NBEAL1: variants seen among roughly 807,000 people sequenced by gnomAD.
The protein encoded by NBEAL1 is neurobeachin like 1.
NBEAL1 carries 273 observed loss-of-function variants against 351.3 expected under a neutral mutation model. The ratio of observed to expected loss-of-function variants is 0.78; its 90% CI spans 0.70 to 0.86. The LOEUF is 0.86. Among genes scored for constraint, NBEAL1 ranks in the 40% least tolerant of loss-of-function variants. The probability of loss-of-function intolerance (pLI) is 0.00; values close to 1 mark genes in which losing one functional copy is unlikely to be tolerated. For missense variants in NBEAL1, 2,961 were observed against 3,201.3 expected, an observed-to-expected ratio of 0.92 and a Z score of 1.81; for synonymous variants, 1,050 against 1,086.4, an observed-to-expected ratio of 0.97 and a Z score of 0.66.
intron 2 of NBEAL1, among the ~76,000 whole-genome samples, chr2:203,017,743 T>G (rs755670484): frequency 5.9e-5 from 9 of 152,114 alleles, no homozygotes; most frequent in Non-Finnish European, 1.0e-4. Context: ...TTAGGTATAT[T>G]TACTATTAAA....
chr2:203,201,701 T>G lies in NBEAL1; in HGVS notation c.7397T>G (p.Ile2466Ser). ...ACAAAAGGCAAAATTATCTCACACATCATCCGGCATATGGGTAAGCATTAG... is the reference window on the plus strand; with the variant it reads ...ACAAAAGGCAAAATTATCTCACACAGCATCCGGCATATGGGTAAGCATTAG... ...SLTKGKIISHIIRHMDIVTCL... is the reference protein window; with the variant it reads ...SLTKGKIISHSIRHMDIVTCL... The change falls in exon 50 of 56, where the codon ATC becomes AGC. Residue 2466 changes from isoleucine (I) to serine (S), a missense_variant. By Grantham distance (142) the Ile-to-Ser change is moderately radical. Coordinates refer to ENST00000683969, the MANE Select transcript of NBEAL1 (RefSeq NM_001378026.1). The G allele has an allele frequency of 1.3e-6, 2 of 1,599,014 alleles. No individual in the cohort carries two copies. The highest frequency in any genetic ancestry group is 1.7e-6 in the Non-Finnish European group (2 of 1,172,170).
In NBEAL1 at chr2:203,136,062, T is replaced by A. The variant is rs1212430482; in HGVS notation, c.4199T>A (p.Leu1400Ter). ...EEFWHSNPSH[L>*]SLDLSGIDSC... ...TTCTGGCATAGTAACCCTTCACATT[T>A]GAGTTTAGACCTCAGTGGAATTGAC... Residue 1400 changes from leucine to a stop codon, truncating the protein, a stop_gained, in exon 28 of 56, where the codon TTG (leucine) becomes TAG (stop). Coordinates refer to ENST00000683969, the MANE Select transcript of NBEAL1 (RefSeq NM_001378026.1). LOFTEE classifies it high-confidence loss of function. 6.2e-7 allele frequency: 1 copy of A among 1,613,808 alleles called. No individual in the cohort carries two copies. The highest frequency in any genetic ancestry group is 8.5e-7 in the Non-Finnish European group (1 of 1,179,948).
chr2:203,194,445 T>C (rs1334253625), intron 47 of NBEAL1, among the ~76,000 whole-genome samples: 1 of 152,184 alleles, frequency 6.6e-6, no homozygotes, highest in Non-Finnish European at 1.5e-5. Flanking sequence ...TTAGGACAGA[T>C]AGCATTAACC....
chr2:203,198,559 A>C (rs186253827), intron 48 of NBEAL1, among the ~76,000 whole-genome samples: 3 of 152,270 alleles, frequency 2.0e-5, no homozygotes, highest in African/African-American at 7.2e-5. Context: ...GAGAAAAAAT[A>C]ATCTTCCTAA....
intron 7 of NBEAL1, among the ~76,000 whole-genome samples, chr2:203,075,465 A>G (rs931856590): frequency 6.6e-6 from 1 of 152,162 alleles, no homozygotes; most frequent in Non-Finnish European, 1.5e-5. Flanking sequence ...GTCATCTTCT[A>G]GCTCTGTGTA....
At chr2:203,066,241 T>G (rs947266182) in intron 6 of NBEAL1, among the ~76,000 whole-genome samples, 16 of 152,158 alleles carry the variant, frequency 1.1e-4, no homozygotes, top group Non-Finnish European at 2.2e-4. Context: ...AGCAATCTAT[T>G]AATACCATAA....
chr2:203,083,390 C>A lies in NBEAL1; in HGVS notation c.856C>A (p.Gln286Lys). ...TATCCTTCTCAGTAGCAACTCTGAT[C>A]AGCGTCAAGTGGAAACCAGTACTAT... The part of the protein sequence containing the change: ...VHILLSSNSD[Q>K]RQVETSTILE... The change falls in exon 9 of 56, where the codon CAG becomes AAG. Residue 286 changes from glutamine (Q) to lysine (K), a missense_variant. Physicochemically the swap from Gln to Lys is moderately conservative, Grantham distance 53 (BLOSUM62 1). Transcript: ENST00000683969. The A allele has an allele frequency of 6.4e-7, 1 of 1,555,442 alleles. No individual in the cohort carries two copies. The highest frequency in any genetic ancestry group is 8.7e-7 in the Non-Finnish European group (1 of 1,147,978).
chr2:203,100,364 A>G (rs928549399), intron 12 of NBEAL1, among the ~76,000 whole-genome samples: 1 of 152,196 alleles, frequency 6.6e-6, no homozygotes, highest in Non-Finnish European at 1.5e-5. Context: ...GCATCCCACC[A>G]GCAGTGTATA....
At position 203,099,625 on chromosome 2, in the gene NBEAL1, A is replaced by G. The variant is rs1466528990; in HGVS notation, c.1186-4A>G. The G allele has an allele frequency of 1.3e-6, 2 of 1,536,892 alleles. No individual in the cohort carries two copies. Among genetic ancestry groups the G allele is most frequent in the South Asian group, 1.2e-5 (1 of 80,896 alleles). On this transcript the variant is annotated splice_polypyrimidine_tract_variant and splice_region_variant and intron_variant, in intron 11 of 55. Transcript: ENST00000683969. Reference sequence around the variant, plus strand: ...ATTTCTTGTTTCCCCTTCCCCCTCAATAGGTGTTTCAGGGACAATTGGATT... The same window carrying G: ...ATTTCTTGTTTCCCCTTCCCCCTCAGTAGGTGTTTCAGGGACAATTGGATT...
chr2:203,157,860 G>C, intron 36 of NBEAL1, 35 bp downstream of exon 36: 1 of 1,436,248 alleles, frequency 7.0e-7, no homozygotes, highest in South Asian at 1.6e-5. Flanking sequence ...TTTGTTCTGA[G>C]AAAGGGGATT....
chr2:203,140,374 A>G (rs1302266311), intron 31 of NBEAL1, among the ~76,000 whole-genome samples: 1 of 152,090 alleles, frequency 6.6e-6, no homozygotes, highest in African/African-American at 2.4e-5. Flanking sequence ...GTAAGAGAAA[A>G]TAACTATTAG....
chr2:203,145,618 C>T (rs934487596), intron 33 of NBEAL1, among the ~76,000 whole-genome samples: 13 of 151,668 alleles, frequency 8.6e-5, no homozygotes, highest in Admixed American at 2.6e-4. Flanking sequence ...GCCAACATGG[C>T]GAAACCCCAC....
chr2:203,044,575 G>A (rs1236154450), intron 3 of NBEAL1, among the ~76,000 whole-genome samples: 4 of 152,106 alleles, frequency 2.6e-5, no homozygotes, highest in Non-Finnish European at 5.9e-5. Context: ...AAAGTAACAT[G>A]AAGAACGCCA....
rs1177321711 is a variant in NBEAL1 at position 203,172,011 on chromosome 2, A to C, written c.6186A>C (p.Ala2062=). 1 of 1,591,320 alleles carries C rather than the reference A, an allele frequency of 6.3e-7. No individual in the cohort carries two copies. The highest frequency in any genetic ancestry group is 1.7e-4 in the Middle Eastern group (1 of 5,970). The change falls in exon 40 of 56, where the codon GCA becomes GCC. Residue 2062 remains alanine, a synonymous_variant. Coordinates refer to ENST00000683969, the MANE Select transcript of NBEAL1 (RefSeq NM_001378026.1). ...CAGGACGAACCTATAATGACCTTGC[A>C]CAGTATCCTGTGGTAAGTTTTGCAT... ...TMAGRTYNDL[A]QYPVFPWILQ...
rs181863773 is a variant in NBEAL1, at chr2:203,035,193, A to T, written c.52-6572A>T. Among the ~76,000 whole-genome samples, 76 of 149,492 alleles carry T rather than the reference A, an allele frequency of 5.1e-4. 5 individuals are homozygous for T. The highest frequency in any genetic ancestry group is 1.8e-3 in the African/African-American group (75 of 41,202). ...AGCTAAACGTCTGCTGTGCTTTAACATAATTTAAGTAATCACATGTGACTA... is the reference window on the plus strand; with the variant it reads ...AGCTAAACGTCTGCTGTGCTTTAACTTAATTTAAGTAATCACATGTGACTA... On this transcript the variant is annotated intron_variant, in intron 2 of 55. Transcript: ENST00000683969.
In NBEAL1 at chr2:203,183,302, A is replaced by G. The variant is rs201697451; in HGVS notation, c.6619A>G (p.Ile2207Val). 5 of 1,590,062 alleles carry G rather than the reference A, an allele frequency of 3.1e-6. No homozygotes were observed. The highest frequency in any genetic ancestry group is 4.3e-6 in the Non-Finnish European group (5 of 1,168,782). ...AGAATTTAACTTGGGTCGTCTACAG[A>G]TTTCCAAAGAATTAGTAAATGATGT... Reference protein sequence around the residue: ...QNQFNLGRLQISKELVNDVIL... With the variant: ...QNQFNLGRLQVSKELVNDVIL... The change falls in exon 44 of 56, where the codon ATT (isoleucine) becomes GTT (valine). Residue 2207 changes from isoleucine (I) to valine (V), a missense_variant. Coordinates refer to ENST00000683969, the MANE Select transcript of NBEAL1 (RefSeq NM_001378026.1).
chr2:203,109,537 TAGAC>T (rs200226438), intron 14 of NBEAL1, among the ~76,000 whole-genome samples: 2,977 of 152,232 alleles, frequency 0.02, 104 homozygotes, highest in African/African-American at 0.068. Flanking sequence ...TTTTTTTTCT[TAGAC>T]AGAGTTTTGC....
chr2:203,160,793 T>C (rs969821372), intron 36 of NBEAL1, among the ~76,000 whole-genome samples: 1 of 152,140 alleles, frequency 6.6e-6, no homozygotes, highest in Non-Finnish European at 1.5e-5. Context: ...TCTCTATTCA[T>C]TGGGGTTTTT....
At chr2:203,069,238 CT>C (rs1042604210) in intron 7 of NBEAL1, among the ~76,000 whole-genome samples, 1 of 152,146 alleles carries the variant, frequency 6.6e-6, no homozygotes, top group Non-Finnish European at 1.5e-5. Context: ...TCAGTTCTTT[CT>C]TTTCCCTGTG....
Sources: allele counts gnomAD v4.1 joint callset (sites outside exome capture counted in the v4.1 genomes callset), GRCh38; gene constraint gnomAD v4.1.1; transcripts MANE v1.5; gene names NCBI Gene and HGNC (gene_info 2026-07-23, HGNC 2026-07-21).